Variants in CHD2 observed in about 807,000 individuals in gnomAD.
CHD2 encodes chromodomain helicase DNA binding protein 2, also known as ATP-dependent chromatin remodeler CHD2.
A neutral mutation model predicts 243.9 loss-of-function variants in CHD2; 28 were observed. The observed-to-expected ratio is 0.11, with a 90% CI of 0.09 to 0.16. The LOEUF is 0.16. Among genes scored for constraint, CHD2 ranks in the 10% least tolerant of loss-of-function variants. The pLI is 1.00. For missense variants in CHD2, 1,386 were observed against 2,209.8 expected, an observed-to-expected ratio of 0.63 and a Z score of 7.47; for synonymous variants, 775 against 779.0, an observed-to-expected ratio of 0.99 and a Z score of 0.09.
chr15:92,986,471 A>G (rs2054044244), intron 26 of CHD2, among the ~76,000 whole-genome samples: 1 of 152,112 alleles, frequency 6.6e-6, no homozygotes, highest in African/African-American at 2.4e-5. Flanking sequence ...TTAATTTACT[A>G]TGGAAAAATA....
At chr15:93,024,252 A>G in intron 38 of CHD2, 120 bp from the exon 39 acceptor site, 1 of 854,320 alleles carries the variant, frequency 1.2e-6, no homozygotes, top group Non-Finnish European at 1.8e-6. Context: ...TTTGATTCCT[A>G]ATAATGTGAG....
At chr15:92,977,000 A>T (rs1343896554) in intron 20 of CHD2, among the ~76,000 whole-genome samples, 4 of 151,974 alleles carry the variant, frequency 2.6e-5, no homozygotes, top group Non-Finnish European at 4.4e-5. Flanking sequence ...GAGTTTTATA[A>T]TTTTTTAACC....
intron 28 of CHD2, 130 bp from the exon 29 acceptor site, chr15:92,996,824 GATT>G (rs1278475641): frequency 2.3e-6 from 2 of 858,678 alleles, no homozygotes; most frequent in Non-Finnish European, 3.4e-6. Flanking sequence ...TTGTCTTATA[GATT>G]ATATCTTCAA....
chr15:92,942,764 C>A (rs2053403578), intron 8 of CHD2, 79 bp from the exon 9 acceptor site: 2 of 1,129,128 alleles, frequency 1.8e-6, no homozygotes, highest in East Asian at 5.0e-5. Context: ...AGGGAGTCTT[C>A]AGATAATTGC....
At chr15:92,979,372 A>G (rs1365311993) in intron 22 of CHD2, 89 bp downstream of exon 22, 2 of 1,447,864 alleles carry the variant, frequency 1.4e-6, no homozygotes, top group Non-Finnish European at 1.9e-6. Flanking sequence ...CACAGACATT[A>G]GTCTGTTCAT....
At chr15:92,956,389 A>G in intron 15 of CHD2, 70 bp from the exon 16 acceptor site, 1 of 1,100,972 alleles carries the variant, frequency 9.1e-7, no homozygotes, top group Non-Finnish European at 1.3e-6. Context: ...TACAGAGATA[A>G]TTAACACTTG....
At chr15:92,975,714 CT>C in intron 20 of CHD2, among the ~76,000 whole-genome samples, 1 of 151,532 alleles carries the variant, frequency 6.6e-6, no homozygotes, top group African/African-American at 2.4e-5. Flanking sequence ...TTCTGAAGAG[CT>C]TTAAAAACTC....
chr15:92,927,199 G>C lies in CHD2; in HGVS notation c.295-45G>C, dbSNP rs761372349. The C allele has an allele frequency of 4.6e-6, 6 of 1,317,282 alleles. No individual in the cohort carries two copies. In the South Asian group the frequency reaches 7.3e-5, roughly 16 times the overall value. The allele number at this position is 1,317,282 out of a possible 1,614,324, so 81.6% of individuals were successfully genotyped here. ...GCAATAAACGTTTGATAATAATAAT[G>C]GGGGTCAAGAAAAAAGATTAATGCG... is the stretch of plus-strand genomic sequence containing the variant. On this transcript the variant is annotated intron_variant, in intron 3 of 38. Coordinates refer to ENST00000394196, the MANE Select transcript of CHD2 (RefSeq NM_001271.4).
At chr15:93,002,513 T>C (rs2054270254) in intron 33 of CHD2, among the ~76,000 whole-genome samples, 196 bp downstream of exon 33, 1 of 152,174 alleles carries the variant, frequency 6.6e-6, no homozygotes, top group Non-Finnish European at 1.5e-5. Flanking sequence ...GTTTGGGGTG[T>C]TCTTTAAAAA....
rs759474533 is a variant in CHD2 at position 92,927,370 on chromosome 15, C to T, written c.381+40C>T. ...TTTTAAGGGCATGCATTTAAACTCC[C>T]TATCTTACTTCATTCTTTCTGACTC... On this transcript the variant is annotated intron_variant, in intron 4 of 38. Coordinates refer to ENST00000394196, the MANE Select transcript of CHD2 (RefSeq NM_001271.4). 3.6e-6 allele frequency: 5 copies of T among 1,388,040 alleles called. No homozygotes were observed. The Admixed American group carries it at 6.9e-5, about 19-fold the overall frequency. 86.0% of individuals were successfully genotyped at this position (1,388,040 alleles called of 1,614,324 possible).
At chr15:93,011,493 A>G (rs2141884560) in intron 35 of CHD2, among the ~76,000 whole-genome samples, 1 of 152,308 alleles carries the variant, frequency 6.6e-6, no homozygotes, top group Admixed American at 6.5e-5. Context: ...TGCTAAAAAG[A>G]CTGAAGCTCT....
At chr15:92,903,295 T>G (rs971652681) in intron 2 of CHD2, among the ~76,000 whole-genome samples, 3 of 152,198 alleles carry the variant, frequency 2.0e-5, no homozygotes, top group Non-Finnish European at 4.4e-5. Context: ...CATCAGAGTT[T>G]TTATTGCCCA....
chr15:92,911,954 A>G (rs1596369013), intron 2 of CHD2, among the ~76,000 whole-genome samples: 1 of 152,168 alleles, frequency 6.6e-6, no homozygotes, highest in East Asian at 1.9e-4. Flanking sequence ...CTCTACATCA[A>G]AAGATTCTAG....
chr15:92,971,053 TTTTATGGTATA>T (rs1214692039), intron 17 of CHD2, among the ~76,000 whole-genome samples: 21 of 152,236 alleles, frequency 1.4e-4, no homozygotes, highest in African/African-American at 5.1e-4. Context: ...GTAGCCTCTA[TTTTATGGTATA>T]TTTACATTTA....
chr15:92,923,256 G>GT (rs202075892), intron 2 of CHD2, among the ~76,000 whole-genome samples: 2,558 of 151,846 alleles, frequency 0.017, 34 homozygotes, highest in Non-Finnish European at 0.028. Flanking sequence ...GAGATGCTTT[G>GT]TTTTTTTTGT....
In CHD2 at chr15:92,945,391, TC is replaced by T. The variant is rs141560129; in HGVS notation, c.1154-429del. 3.0e-3 allele frequency: 288 copies of T among 96,072 alleles called. 16 individuals are homozygous for T. The East Asian group carries it at 0.031, about 10-fold the overall frequency. 6.0% of individuals were successfully genotyped at this position (96,072 alleles called of 1,614,324 possible). ...AAAAGAATTTTTTTCTTCTTCTTCT[TC>T]TTCTTTTTTTTTTTTTTGAGATGGT... On this transcript the variant is annotated intron_variant, in intron 10 of 38. Transcript: ENST00000394196.
chr15:93,009,566 A>C (rs1395094296), intron 35 of CHD2, among the ~76,000 whole-genome samples: 1 of 152,222 alleles, frequency 6.6e-6, no homozygotes, highest in African/African-American at 2.4e-5. Context: ...AGATAGTGTT[A>C]CTGGATTTGC....
intron 13 of CHD2, among the ~76,000 whole-genome samples, chr15:92,950,769 A>G (rs1307723652): frequency 6.6e-6 from 1 of 150,492 alleles, no homozygotes; most frequent in Non-Finnish European, 1.5e-5. Flanking sequence ...AAAAAAAAGG[A>G]CAGCTTAAAA....
intron 8 of CHD2, among the ~76,000 whole-genome samples, 154 bp from the exon 9 acceptor site, chr15:92,942,689 C>T (rs1351455582): frequency 3.9e-5 from 6 of 151,964 alleles, no homozygotes; most frequent in East Asian, 3.9e-4. Flanking sequence ...TGATTGAGTC[C>T]GTTCTGTGTT....
Sources: gnomAD v4.1 joint callset for allele counts (sites outside exome capture counted in the v4.1 genomes callset) on GRCh38, gnomAD v4.1.1 for gene constraint, MANE v1.5 for transcripts, NCBI Gene and HGNC (gene_info 2026-07-23, HGNC 2026-07-21) for gene names.